Variants in TAB1 observed in about 807,000 individuals in gnomAD.
TAB1 encodes the protein TGF-beta activated kinase 1 (MAP3K7) binding protein 1, also known as TGF-beta-activated kinase 1 and MAP3K7-binding protein 1.
TAB1 carries 30 observed loss-of-function variants against 54.5 expected under a neutral mutation model. The observed-to-expected ratio is 0.55, with a 90% CI of 0.41 to 0.75. The LOEUF (loss-of-function observed/expected upper bound fraction) is 0.75, where lower values mean the gene tolerates loss of function less well. TAB1 is among the 30% of genes least tolerant of loss of function. TAB1 has a pLI of 0.00. For missense variants in TAB1, 609 were observed against 683.2 expected (o/e 0.89, Z 1.21); for synonymous variants, 289 against 286.9 (o/e 1.01, Z -0.07).
Position 39,421,844 on chromosome 22 carries a change from C to A in TAB1, c.794C>A (p.Pro265Gln). ...IDLLSAAKSK[P>Q]IIAEPEIHGA... ...CCCCATAGCGCTGCCAAGTCCAAAC[C>A]AATCATCGCAGAGCCAGAAATCCAT... Residue 265 changes from proline (P) to glutamine (Q), a missense_variant, in exon 8 of 11, where the codon CCA becomes CAA. Pro to Gln is a moderately conservative substitution (Grantham distance 76, BLOSUM62 -1). Coordinates refer to ENST00000216160, the MANE Select transcript of TAB1 (RefSeq NM_006116.3). 1.2e-6 allele frequency: 2 copies of A among 1,614,120 alleles called. No individual in the cohort carries two copies. The highest frequency in any genetic ancestry group is 8.5e-7 in the Non-Finnish European group (1 of 1,179,982).
rs1927572336 is a variant in TAB1, at chr22:39,431,242, C to T, written c.*1020C>T. 8.1e-6 allele frequency: 8 copies of T among 985,622 alleles called. No homozygotes were observed. Among genetic ancestry groups the T allele is most frequent in the Non-Finnish European group, 9.6e-6 (8 of 830,072 alleles). The allele number at this position is 985,622 out of a possible 1,614,324, so 61.1% of individuals were successfully genotyped here. On this transcript the variant is annotated 3_prime_UTR_variant, in exon 11 of 11. Transcript: ENST00000216160. ...GGAGAAGGGTCGGGCCAGCCCAGCC[C>T]AGGGCCTGAGTTAGACTATTTCCCA...
At position 39,423,477 on chromosome 22, in the gene TAB1, C is replaced by T. The variant is rs1351633163; in HGVS notation, c.921+1506C>T. 2.0e-5 allele frequency among the ~76,000 whole-genome samples: 3 copies of T among 152,080 alleles called. No individual in the cohort carries two copies. The East Asian group carries it at 5.8e-4, about 29-fold the overall frequency. ...AAAATTAGCCGGGTGTGGTGGCAGGCACCTGTAATCCCAGCTACTCAGGAG... is the reference window on the plus strand; with the variant it reads ...AAAATTAGCCGGGTGTGGTGGCAGGTACCTGTAATCCCAGCTACTCAGGAG... On this transcript the variant is annotated intron_variant, in intron 8 of 10. Coordinates refer to ENST00000216160, the MANE Select transcript of TAB1 (RefSeq NM_006116.3).
At chr22:39,434,617 C>T (rs527647573), downstream of TAB1, among the ~76,000 whole-genome samples, 9 of 152,336 alleles carry the variant, frequency 5.9e-5, no homozygotes, top group Admixed American at 1.3e-4. Flanking sequence ...TGGGCGGCCG[C>T]GTCAGGGACA....
In TAB1 at chr22:39,426,935, C is replaced by T. The variant is rs563523010; in HGVS notation, c.1144+10C>T. 9 of 1,608,324 alleles carry T rather than the reference C, an allele frequency of 5.6e-6. No individual in the cohort carries two copies. The highest frequency in any genetic ancestry group is 1.7e-4 in the Middle Eastern group (1 of 5,972). On this transcript the variant is annotated intron_variant, in intron 9 of 10. Coordinates refer to ENST00000216160, the MANE Select transcript of TAB1 (RefSeq NM_006116.3). ...CCGAGCCCAGCCCCAGGTACGTGTG[C>T]TGTGCAGACAGGCAGTGCCTGGGGA... is the stretch of plus-strand genomic sequence containing the variant.
At chr22:39,408,810 T>A (rs998297981) in intron 1 of TAB1, among the ~76,000 whole-genome samples, 3 of 152,206 alleles carry the variant, frequency 2.0e-5, no homozygotes, top group Non-Finnish European at 2.9e-5. Context: ...CTCACTGGCC[T>A]TTTTTAATAG....
Position 39,430,128 on chromosome 22 carries a change from A to G in TAB1, c.1421A>G (p.Glu474Gly), listed in dbSNP as rs1291044492. 6.2e-7 allele frequency: 1 copy of G among 1,613,942 alleles called. No homozygotes were observed. The highest frequency in any genetic ancestry group is 8.5e-7 in the Non-Finnish European group (1 of 1,180,048). ...CCCGCCCACTCGCTCCCGCCTGGCG[A>G]GGACGGTCGTGTTGAGCCCTATGTG... ...SRPAHSLPPG[E>G]DGRVEPYVDF... Residue 474 changes from glutamate to glycine, a missense_variant, in exon 11 of 11, where the codon GAG (glutamate) becomes GGG (glycine). By Grantham distance (98) the Glu-to-Gly change is moderately conservative. Transcript: ENST00000216160.
chr22:39,434,553 C>T (rs1055750697), downstream of TAB1, among the ~76,000 whole-genome samples: 7 of 152,252 alleles, frequency 4.6e-5, no homozygotes, highest in African/African-American at 9.6e-5. Flanking sequence ...TCTGTTCCCA[C>T]GCGGAGGTGA....
At chr22:39,425,377 TG>T (rs1927275385) in intron 8 of TAB1, among the ~76,000 whole-genome samples, 1 of 151,170 alleles carries the variant, frequency 6.6e-6, no homozygotes, top group Non-Finnish European at 1.5e-5. Flanking sequence ...AGTGAGACTC[TG>T]TCTCAAAAAA....
chr22:39,401,521 A>G (rs1298464447), intron 1 of TAB1, among the ~76,000 whole-genome samples: 2 of 152,200 alleles, frequency 1.3e-5, no homozygotes, highest in African/African-American at 2.4e-5. Context: ...TAAATGGTGC[A>G]GGCTGAGTTG....
intron 1 of TAB1, among the ~76,000 whole-genome samples, chr22:39,400,437 C>G (rs951730912): frequency 2.6e-5 from 4 of 151,922 alleles, no homozygotes; most frequent in Non-Finnish European, 5.9e-5. Context: ...CCAGTGGTAG[C>G]TGTCACTGGG....
In TAB1 at chr22:39,431,408, T is replaced by G; in HGVS notation, c.*1186T>G. On this transcript the variant is annotated 3_prime_UTR_variant, in exon 11 of 11. Transcript: ENST00000216160. Reference sequence around the variant, plus strand: ...CAGTGGGGCAGCCAGAGCTCAGACCTGAGCCATTTTGTCAGTATCCAGGAC... The same window carrying G: ...CAGTGGGGCAGCCAGAGCTCAGACCGGAGCCATTTTGTCAGTATCCAGGAC... The G allele has an allele frequency of 1.0e-6, 1 of 985,516 alleles. No individual in the cohort carries two copies. Among genetic ancestry groups the G allele is most frequent in the Non-Finnish European group, 1.2e-6 (1 of 829,988 alleles). The allele number at this position is 985,516 out of a possible 1,614,324, so 61.0% of individuals were successfully genotyped here. A position where few individuals can be genotyped will look rare whatever the true frequency, so the allele number is the denominator to read the frequency against.
chr22:39,401,307 G>A (rs1487679127), intron 1 of TAB1, among the ~76,000 whole-genome samples: 3 of 152,216 alleles, frequency 2.0e-5, no homozygotes, highest in African/African-American at 7.2e-5. Context: ...AGTGGGGATT[G>A]CTGTCTTCCC....
chr22:39,424,586 A>G (rs1927239129), intron 8 of TAB1, among the ~76,000 whole-genome samples: 1 of 151,946 alleles, frequency 6.6e-6, no homozygotes, highest in African/African-American at 2.4e-5. Flanking sequence ...CTGGGACTAC[A>G]GGCATGTGCC....
chr22:39,404,591 A>G (rs1342373345), intron 1 of TAB1, among the ~76,000 whole-genome samples: 1 of 152,122 alleles, frequency 6.6e-6, no homozygotes, highest in East Asian at 1.9e-4. Context: ...AAGTAAGCTT[A>G]AAATCAATTT....
rs147172886 is a variant in TAB1, at chr22:39,407,385, C to T, written c.33+7550C>T. Among the ~76,000 whole-genome samples the T allele has an allele frequency of 6.1e-4, 93 of 152,306 alleles. 4 individuals are homozygous for T. The East Asian group carries it at 0.017, about 28-fold the overall frequency. On this transcript the variant is annotated intron_variant, in intron 1 of 10. Coordinates refer to ENST00000216160, the MANE Select transcript of TAB1 (RefSeq NM_006116.3). Reference sequence around the variant, plus strand: ...TGACTTCTTTCCCGGTTTTTATGCTCTCATTCTTTACTCTGTCTAACTGCC... The same window carrying T: ...TGACTTCTTTCCCGGTTTTTATGCTTTCATTCTTTACTCTGTCTAACTGCC...
chr22:39,412,190 C>T (rs1453256757), intron 1 of TAB1, among the ~76,000 whole-genome samples: 1 of 152,038 alleles, frequency 6.6e-6, no homozygotes, highest in East Asian at 1.9e-4. Context: ...CAGGTGTGCG[C>T]CACCACGCCC....
Position 39,415,434 on chromosome 22 carries a change from C to T in TAB1, c.171-66C>T. 6.4e-7 allele frequency: 1 copy of T among 1,573,540 alleles called. No homozygotes were observed. Among genetic ancestry groups the T allele is most frequent in the Non-Finnish European group, 8.7e-7 (1 of 1,148,800 alleles). On this transcript the variant is annotated intron_variant, in intron 2 of 10. Coordinates refer to ENST00000216160, the MANE Select transcript of TAB1 (RefSeq NM_006116.3). The surrounding 1 kb of genome is among the most constrained non-coding windows in gnomAD (Gnocchi z 4.9). The stretch of plus-strand genomic sequence containing the variant: ...CGCTTTAGTCTCCCCCAATTCCTTT[C>T]CCTTTCTCCCTCCACCTCCGTGAGA...
intron 1 of TAB1, among the ~76,000 whole-genome samples, chr22:39,404,045 G>A (rs34463037): frequency 0.012 from 1,818 of 152,316 alleles, 16 homozygotes; most frequent in Non-Finnish European, 0.02. Flanking sequence ...TTGGCCATGG[G>A]GATGGCAGAA....
chr22:39,427,892 C>T lies in TAB1; in HGVS notation c.1145-129C>T, dbSNP rs1383861271. 15 of 895,204 alleles carry T rather than the reference C, an allele frequency of 1.7e-5. No individual in the cohort carries two copies. The East Asian group carries it at 3.3e-4, about 20-fold the overall frequency. 55.5% of individuals were successfully genotyped at this position (895,204 alleles called of 1,614,324 possible). On this transcript the variant is annotated intron_variant, in intron 9 of 10. Transcript: ENST00000216160. Reference sequence around the variant, plus strand: ...AGGGGGCCCCACTGGGCTTGGGGAGCCAGGCATGGCCGCCACCCACACTCA... The same window carrying T: ...AGGGGGCCCCACTGGGCTTGGGGAGTCAGGCATGGCCGCCACCCACACTCA...
Sources: gnomAD v4.1 joint callset for allele counts (sites outside exome capture counted in the v4.1 genomes callset) on GRCh38, gnomAD v4.1.1 for gene constraint, Gnocchi (gnomAD v3.1) non-coding constraint, MANE v1.5 for transcripts, NCBI Gene and HGNC (gene_info 2026-07-23, HGNC 2026-07-21) for gene names.